Variants in CYP20A1 observed in about 807,000 individuals in gnomAD.
CYP20A1 encodes the protein cytochrome P450 20A1.
A neutral mutation model predicts 61.4 loss-of-function variants in CYP20A1; 61 were observed. The observed-to-expected ratio is 0.99, with a 90% confidence interval of 0.81 to 1.23. The LOEUF (loss-of-function observed/expected upper bound fraction) is 1.23, where lower values mean the gene tolerates loss of function less well. Ranked by LOEUF, CYP20A1 falls within the 50% of genes most tolerant of loss-of-function variation. CYP20A1 has a pLI of 0.00. For synonymous variants in CYP20A1, 193 were observed against 188.2 expected (o/e 1.03, Z -0.21); for missense variants, 530 against 542.4 (o/e 0.98, Z 0.23).
chr2:203,289,253 C>T (rs953146389), intron 9 of CYP20A1, among the ~76,000 whole-genome samples: 16 of 151,968 alleles, frequency 1.1e-4, no homozygotes, highest in African/African-American at 1.9e-4. Flanking sequence ...TTGTATTCTC[C>T]GTCCCTGTTT....
chr2:203,240,393 G>A (rs1048471085), intron 1 of CYP20A1, among the ~76,000 whole-genome samples: 18 of 152,268 alleles, frequency 1.2e-4, no homozygotes, highest in Admixed American at 3.9e-4. Context: ...CTTAGCACTA[G>A]CTATGTGCCA....
intron 1 of CYP20A1, among the ~76,000 whole-genome samples, chr2:203,245,454 G>A (rs2066430697): frequency 6.6e-6 from 1 of 151,510 alleles, no homozygotes; most frequent in African/African-American, 2.4e-5. Flanking sequence ...CATCACCCAG[G>A]TAATTATTAA....
At chr2:203,280,202 G>A (rs1478305352) in intron 8 of CYP20A1, 89 bp downstream of exon 8, 2 of 1,011,484 alleles carry the variant, frequency 2.0e-6, no homozygotes, top group East Asian at 2.7e-5. Context: ...AACACTTGGG[G>A]AGGCTGAGGT....
intron 5 of CYP20A1, among the ~76,000 whole-genome samples, chr2:203,267,647 A>T (rs1243563313): frequency 6.6e-6 from 1 of 151,912 alleles, no homozygotes; most frequent in Non-Finnish European, 1.5e-5. Context: ...GTTCAAGACC[A>T]GACTGGCCAA....
At chr2:203,281,617 A>G (rs1322326014) in intron 8 of CYP20A1, among the ~76,000 whole-genome samples, 4 of 152,116 alleles carry the variant, frequency 2.6e-5, no homozygotes, top group Non-Finnish European at 5.9e-5. Flanking sequence ...CCTGACCAAC[A>G]TGGTGAAACC....
intron 1 of CYP20A1, among the ~76,000 whole-genome samples, chr2:203,243,835 C>G (rs2066349665): frequency 6.6e-6 from 1 of 151,568 alleles, no homozygotes; most frequent in Non-Finnish European, 1.5e-5. Flanking sequence ...GACTATAGTG[C>G]TGGCCACTGC....
intron 6 of CYP20A1, among the ~76,000 whole-genome samples, chr2:203,275,048 A>G (rs2067759344): frequency 6.6e-6 from 1 of 152,236 alleles, no homozygotes; most frequent in African/African-American, 2.4e-5. Context: ...TCCTTTGTTT[A>G]ATTCCCAACC....
intron 4 of CYP20A1, among the ~76,000 whole-genome samples, chr2:203,253,265 G>T (rs910760560): frequency 3.3e-5 from 5 of 152,116 alleles, no homozygotes; most frequent in African/African-American, 9.7e-5. Flanking sequence ...CCCTCTTTAG[G>T]TTCTGTTGTG....
In CYP20A1 at chr2:203,285,460, T is replaced by G. The variant is rs553928668; in HGVS notation, c.851-152T>G. On this transcript the variant is annotated intron_variant, in intron 8 of 12. Coordinates refer to ENST00000356079, the MANE Select transcript of CYP20A1 (RefSeq NM_177538.3). ...TATAATATAAACCCTGTGAAGAATT[T>G]TACTTTTTAGTAGCACTTATATATC... 727 of 716,108 alleles carry G rather than the reference T, an allele frequency of 1.0e-3. 1 individual carries two copies. The highest frequency in any genetic ancestry group is 1.4e-3 in the Non-Finnish European group (701 of 493,258). The allele number at this position is 716,108 out of a possible 1,614,324, so 44.4% of individuals were successfully genotyped here.
chr2:203,273,149 T>C (rs146917091), intron 6 of CYP20A1, among the ~76,000 whole-genome samples: 1 of 152,272 alleles, frequency 6.6e-6, no homozygotes, highest in African/African-American at 2.4e-5. Context: ...CCGGCCTATA[T>C]TTATTTTCTT....
chr2:203,272,594 T>G, intron 5 of CYP20A1, 76 bp from the exon 6 acceptor site: 1 of 706,850 alleles, frequency 1.4e-6, no homozygotes. Flanking sequence ...TCCTAAGTCA[T>G]TAGGTTACAT....
intron 3 of CYP20A1, among the ~76,000 whole-genome samples, chr2:203,249,218 A>G (rs185165058): frequency 6.6e-6 from 1 of 152,240 alleles, no homozygotes; most frequent in Non-Finnish European, 1.5e-5. Flanking sequence ...ATTTTAGTAC[A>G]ATAACAAACA....
chr2:203,263,167 T>G (rs1490410628), intron 4 of CYP20A1, among the ~76,000 whole-genome samples: 1 of 151,456 alleles, frequency 6.6e-6, no homozygotes, highest in Non-Finnish European at 1.5e-5. Context: ...TTTTGTATTT[T>G]TAGTAGAGAC....
At chr2:203,293,409 G>A (rs564489766) in intron 11 of CYP20A1, among the ~76,000 whole-genome samples, 1 of 150,020 alleles carries the variant, frequency 6.7e-6, no homozygotes, top group South Asian at 2.1e-4. Flanking sequence ...TAGAGACAGG[G>A]TTTCACCATG....
Position 203,257,317 on chromosome 2 carries a change from C to CAA in CYP20A1, c.432+5224_432+5225dup, listed in dbSNP as rs751345935. ...CCTAGGCGACTGTGAGACACTGTCTCAAAAAAAAAAAAAAAAATTCCATTT... is the reference window on the plus strand; with the variant it reads ...CCTAGGCGACTGTGAGACACTGTCTCAAAAAAAAAAAAAAAAAAATTCCATTT... On this transcript the variant is annotated intron_variant, in intron 4 of 12. Coordinates refer to ENST00000356079, the MANE Select transcript of CYP20A1 (RefSeq NM_177538.3). Among the ~76,000 whole-genome samples the CAA allele has an allele frequency of 5.6e-4, 64 of 113,474 alleles. 1 individual carries two copies. The highest frequency in any genetic ancestry group is 4.9e-3 in the Middle Eastern group (1 of 204). 74.4% of individuals were successfully genotyped at this position (113,474 alleles called of 152,430 possible).
chr2:203,287,395 T>A (rs2068326485), intron 9 of CYP20A1, among the ~76,000 whole-genome samples: 1 of 152,028 alleles, frequency 6.6e-6, no homozygotes, highest in Non-Finnish European at 1.5e-5. Context: ...GGTTCCTTTG[T>A]AAATGTGCCC....
Position 203,305,144 on chromosome 2 carries a change from A to T in CYP20A1, c.*8236A>T, listed in dbSNP as rs2069167629. ...GGCTATAAACAAGGTAATAAATCAC[A>T]CTCTTCCAGTTCTACTCCCAATTTA... On this transcript the variant is annotated 3_prime_UTR_variant, in exon 13 of 13. Transcript: ENST00000356079. 1.4e-5 allele frequency among the ~76,000 whole-genome samples: 2 copies of T among 144,252 alleles called. No homozygotes were observed. Among genetic ancestry groups the T allele is most frequent in the Non-Finnish European group, 1.5e-5 (1 of 66,494 alleles). 94.6% of individuals were successfully genotyped at this position (144,252 alleles called of 152,430 possible).
At chr2:203,252,788 C>CT (rs980150012) in intron 4 of CYP20A1, among the ~76,000 whole-genome samples, 3 of 152,152 alleles carry the variant, frequency 2.0e-5, no homozygotes, top group Non-Finnish European at 4.4e-5. Context: ...TGGCCCCACA[C>CT]TTTCTCGGAG....
intron 5 of CYP20A1, among the ~76,000 whole-genome samples, chr2:203,267,287 C>G (rs938287315): frequency 2.6e-5 from 4 of 152,102 alleles, no homozygotes; most frequent in Non-Finnish European, 5.9e-5. Flanking sequence ...AATCCCAGCA[C>G]TTTGGGAGGC....
Sources: allele counts gnomAD v4.1 joint callset (sites outside exome capture counted in the v4.1 genomes callset), GRCh38; gene constraint gnomAD v4.1.1; transcripts MANE v1.5; gene names NCBI Gene and HGNC (gene_info 2026-07-23, HGNC 2026-07-21).